Variants in HECTD3 observed in about 807,000 individuals in gnomAD.
HECTD3 encodes E3 ubiquitin-protein ligase HECTD3.
A neutral mutation model predicts 109.3 loss-of-function variants in HECTD3; 72 were observed. The ratio of observed to expected loss-of-function variants is 0.66; its 90% confidence interval spans 0.54 to 0.80. HECTD3 has a LOEUF of 0.80. Among genes scored for constraint, HECTD3 ranks in the 30% least tolerant of loss-of-function variants. The pLI, the probability that HECTD3 is intolerant of heterozygous loss-of-function variation, is 0.00. For missense variants in HECTD3, 1,041 were observed against 1,165.2 expected (o/e 0.89, Z 1.55); for synonymous variants, 481 against 471.8 (o/e 1.02, Z -0.25).
In HECTD3 at chr1:45,006,931, A is replaced by T. The variant is rs777286954; in HGVS notation, c.1621+20T>A. 1.7e-4 allele frequency: 270 copies of T among 1,611,824 alleles called. 2 individuals carry two copies. In the South Asian group the frequency reaches 2.6e-3, roughly 15 times the overall value. On this transcript the variant is annotated intron_variant, in intron 12 of 20. Transcript: ENST00000372172. The surrounding 1 kb of genome is among the most constrained non-coding windows in gnomAD (Gnocchi z 4.7). ...TAGGGCAGCAAGCAGGACCCTTGAG[A>T]TCCTCCCTCAGGGCCTCACCTTGGT...
chr1:45,007,368 G>A (rs748659804), intron 10 of HECTD3, 45 bp downstream of exon 10: 6 of 1,610,478 alleles, frequency 3.7e-6, no homozygotes, highest in Non-Finnish European at 5.1e-6. Flanking sequence ...AGCCCCCTTG[G>A]CCCTTGACTG....
chr1:45,008,238 A>T lies in HECTD3; in HGVS notation c.1320+2T>A. 1.9e-6 allele frequency: 3 copies of T among 1,612,934 alleles called. No individual in the cohort carries two copies. Among genetic ancestry groups the T allele is most frequent in the Non-Finnish European group, 2.5e-6 (3 of 1,179,030 alleles). ...AGACCAGCACTGGCTGGGTCGGCTC[A>T]CCTTAATCTCACTGAAGGTGCCCAG... On this transcript the variant is annotated splice_donor_variant, in intron 9 of 20. Coordinates refer to ENST00000372172, the MANE Select transcript of HECTD3 (RefSeq NM_024602.6). LOFTEE classifies it high-confidence loss of function.
At chr1:45,007,131 TG>T in intron 11 of HECTD3, 87 bp downstream of exon 11, 1 of 19,920 alleles carries the variant, frequency 5.0e-5, no homozygotes, top group African/African-American at 2.7e-4. Context: ...AGCAGTTGTG[TG>T]TGTGTGTGTG....
chr1:45,006,145 G>C lies in HECTD3; in HGVS notation c.1726-29C>G, dbSNP rs768311442. 18 of 1,606,470 alleles carry C rather than the reference G, an allele frequency of 1.1e-5. No homozygotes were observed. The highest frequency in any genetic ancestry group is 1.4e-5 in the Non-Finnish European group (17 of 1,174,296). On this transcript the variant is annotated intron_variant, in intron 13 of 20. Transcript: ENST00000372172. This position sits in a 1 kb window ranked among gnomAD's most constrained non-coding sequence, Gnocchi z 4.7. ...CCCCAGAGACAGAGCTGTGAGTGTG[G>C]CATGAGATACACCCTATTTTCCTGG...
chr1:45,008,830 G>A, intron 7 of HECTD3, 129 bp from the exon 8 acceptor site: 2 of 806,882 alleles, frequency 2.5e-6, no homozygotes, highest in South Asian at 3.2e-5. Flanking sequence ...GGACCTTCGG[G>A]ATCACCTTCT....
chr1:45,003,767 AG>A lies in HECTD3; in HGVS notation c.2430-28del. ...TGGGGGCATTGAGGGACCATAGGTC[AG>A]GAAGATGTGTTGGGGCACATGTACG... On this transcript the variant is annotated intron_variant, in intron 19 of 20. Coordinates refer to ENST00000372172, the MANE Select transcript of HECTD3 (RefSeq NM_024602.6). This position sits in a 1 kb window ranked among gnomAD's most constrained non-coding sequence, Gnocchi z 4.7. 6.2e-7 allele frequency: 1 copy of A among 1,613,840 alleles called. No individual in the cohort carries two copies. The highest frequency in any genetic ancestry group is 8.5e-7 in the Non-Finnish European group (1 of 1,179,772).
At chr1:45,008,381 C>A (rs1233716316) in intron 8 of HECTD3, 60 bp from the exon 9 acceptor site, 1 of 1,519,456 alleles carries the variant, frequency 6.6e-7, no homozygotes, top group Admixed American at 1.7e-5. Context: ...ACCCCCAACT[C>A]CCCAACATAA....
At position 45,003,609 on chromosome 1, in the gene HECTD3, A is replaced by T. The variant is rs1320700772; in HGVS notation, c.2502-33T>A. On this transcript the variant is annotated intron_variant, in intron 20 of 20. Coordinates refer to ENST00000372172, the MANE Select transcript of HECTD3 (RefSeq NM_024602.6). The surrounding 1 kb of genome is among the most constrained non-coding windows in gnomAD (Gnocchi z 4.7). Reference sequence around the variant, plus strand: ...AATGGGGACTTGGTCAGGTCCCTACATCGCTACCAGGGGTGATGGGGTCCC... The same window carrying T: ...AATGGGGACTTGGTCAGGTCCCTACTTCGCTACCAGGGGTGATGGGGTCCC... 2 of 1,613,396 alleles carry T rather than the reference A, an allele frequency of 1.2e-6. No individual in the cohort carries two copies. The highest frequency in any genetic ancestry group is 1.7e-6 in the Non-Finnish European group (2 of 1,179,354).
In HECTD3 at chr1:45,005,901, C is replaced by T; in HGVS notation, c.1846-18G>A. The T allele has an allele frequency of 3.7e-6, 6 of 1,604,180 alleles. No homozygotes were observed. The East Asian group carries it at 6.7e-5, about 18-fold the overall frequency. On this transcript the variant is annotated intron_variant, in intron 14 of 20. Transcript: ENST00000372172. ...GCCAGGACCTGTGTGACAAACACTC[C>T]CCACTGTCTTCTCACCCTGAGCTGC...
At chr1:45,005,320 T>C (rs1644725956) in intron 15 of HECTD3, 1 of 208,106 alleles carries the variant, frequency 4.8e-6, no homozygotes, top group East Asian at 1.2e-4. Flanking sequence ...TAGTAAGTGA[T>C]TAGCTAAGGA....
In HECTD3 at chr1:45,010,082, G is replaced by A. The variant is rs1158599147; in HGVS notation, c.663C>T (p.Asp221=). The stretch of plus-strand genomic sequence containing the variant: ...GGTGGTCATACAAGAAGTGGATCAG[G>A]TCCTCGTCGCACTCGTAGGTCCATG... The part of the protein sequence containing the change: ...PPTWTYECDE[D]LIHFLYDHLG... Residue 221 remains aspartate, a synonymous_variant, in exon 4 of 21, where the codon GAC becomes GAT. Coordinates refer to ENST00000372172, the MANE Select transcript of HECTD3 (RefSeq NM_024602.6). 44 of 1,589,546 alleles carry A rather than the reference G, an allele frequency of 2.8e-5. No individual in the cohort carries two copies. The East Asian group carries it at 9.4e-4, about 34-fold the overall frequency.
In HECTD3 at chr1:45,006,704, G is replaced by T. The variant is rs753978006; in HGVS notation, c.1713C>A (p.Arg571=). The T allele has an allele frequency of 5.0e-6, 8 of 1,612,322 alleles. No individual in the cohort carries two copies. In the South Asian group the frequency reaches 8.8e-5, roughly 18 times the overall value. Residue 571 remains arginine (R), a synonymous_variant, in exon 13 of 21, where the codon CGC becomes CGA. Transcript: ENST00000372172. The surrounding 1 kb of genome is among the most constrained non-coding windows in gnomAD (Gnocchi z 4.7). ...AAACGGAGATTACCTGGTTGGCTGT[G>T]CGTACAAAGAAGGGCAGGGGCACGG... is the stretch of plus-strand genomic sequence containing the variant. The part of the protein sequence containing the change: ...DTPVPLPFFV[R]TANQGNGTGE...
intron 15 of HECTD3, 30 bp from the exon 16 acceptor site, chr1:45,004,836 C>G (rs746168396): frequency 1.9e-6 from 3 of 1,589,446 alleles, no homozygotes; most frequent in African/African-American, 2.7e-5. Flanking sequence ...AGGGAGGTAA[C>G]CTTTTCACTG....
In HECTD3 at chr1:45,003,920, G is replaced by C. The variant is rs1210979668; in HGVS notation, c.2364C>G (p.Phe788Leu). ...NNFTNEDRSR[F>L]LRFVTGRSRL... ...GACTGCGGCCCGTGACAAAGCGCAG[G>C]AAGCGGCTCCGGTCCTCTGGAGGGA... is the stretch of plus-strand genomic sequence containing the variant. The change falls in exon 19 of 21, where the codon TTC (phenylalanine) becomes TTG (leucine). Residue 788 changes from phenylalanine (F) to leucine (L), a missense_variant. This residue lies in a region of HECTD3 where 569 missense variants were observed against 715.3 expected (regional missense o/e 0.80). Coordinates refer to ENST00000372172, the MANE Select transcript of HECTD3 (RefSeq NM_024602.6). The surrounding 1 kb of genome is among the most constrained non-coding windows in gnomAD (Gnocchi z 4.7). 1 of 1,613,484 alleles carries C rather than the reference G, an allele frequency of 6.2e-7. No individual in the cohort carries two copies. Among genetic ancestry groups the C allele is most frequent in the Non-Finnish European group, 8.5e-7 (1 of 1,179,740 alleles).
chr1:45,008,413 C>A lies in HECTD3; in HGVS notation c.1239-92G>T, dbSNP rs1480684635. The A allele has an allele frequency of 3.4e-6, 5 of 1,484,710 alleles. No individual in the cohort carries two copies. In the African/African-American group the frequency reaches 5.5e-5, roughly 16 times the overall value. The allele number at this position is 1,484,710 out of a possible 1,614,324, so 92.0% of individuals were successfully genotyped here. On this transcript the variant is annotated intron_variant, in intron 8 of 20. Transcript: ENST00000372172. ...ATAAAGGGACAGGAAAAGGCAGGACCTGGGGGCTTCTCTGACCCTTGAACA... is the reference window on the plus strand; with the variant it reads ...ATAAAGGGACAGGAAAAGGCAGGACATGGGGGCTTCTCTGACCCTTGAACA...
At position 45,004,328 on chromosome 1, in the gene HECTD3, A is replaced by T. The variant is rs538414715; in HGVS notation, c.2192T>A (p.Leu731Gln). 41 of 1,613,950 alleles carry T rather than the reference A, an allele frequency of 2.5e-5. No individual in the cohort carries two copies. Among genetic ancestry groups the T allele is most frequent in the Non-Finnish European group, 3.2e-5 (38 of 1,179,928 alleles). Residue 731 changes from leucine to glutamine, a missense_variant, in exon 17 of 21, where the codon CTG (leucine) becomes CAG (glutamine). Physicochemically the swap from Leu to Gln is moderately radical, Grantham distance 113. Coordinates refer to ENST00000372172, the MANE Select transcript of HECTD3 (RefSeq NM_024602.6). ...CAACTCTTGCCAGGTCAGCAAGTCCAGCACAGCCTGTGGTACCACCTTCAG... is the reference window on the plus strand; with the variant it reads ...CAACTCTTGCCAGGTCAGCAAGTCCTGCACAGCCTGTGGTACCACCTTCAG... The part of the protein sequence containing the change: ...GLLKVVPQAV[L>Q]DLLTWQELEK...
intron 4 of HECTD3, 33 bp from the exon 5 acceptor site, chr1:45,009,716 T>TACCC: frequency 6.6e-7 from 1 of 1,508,478 alleles, no homozygotes; most frequent in Non-Finnish European, 9.2e-7. Flanking sequence ...AGTCAGCAGT[T>TACCC]ACCCTCCCTC....
At position 45,007,511 on chromosome 1, in the gene HECTD3, T is replaced by C; in HGVS notation, c.1405A>G (p.Ser469Gly). Residue 469 changes from serine (S) to glycine (G), a missense_variant, in exon 10 of 21, where the codon AGC (serine) becomes GGC (glycine). Physicochemically the swap from Ser to Gly is moderately conservative, Grantham distance 56. Coordinates refer to ENST00000372172, the MANE Select transcript of HECTD3 (RefSeq NM_024602.6). The stretch of plus-strand genomic sequence containing the variant: ...TTGATGTATAGGCGTGGCATGAAGC[T>C]GGGCTTGCTGCTCTCAGAGTCACGC... ...CLRDSESSKP[S>G]FMPRLYINRR... 1 of 1,614,084 alleles carries C rather than the reference T, an allele frequency of 6.2e-7. No homozygotes were observed. Among genetic ancestry groups the C allele is most frequent in the South Asian group, 1.1e-5 (1 of 91,084 alleles).
chr1:45,004,140 G>A lies in HECTD3; in HGVS notation c.2273-6C>T. The A allele has an allele frequency of 6.2e-7, 1 of 1,614,186 alleles. No homozygotes were observed. The highest frequency in any genetic ancestry group is 8.5e-7 in the Non-Finnish European group (1 of 1,180,040). The stretch of plus-strand genomic sequence containing the variant: ...CTCGAAGTCCTCAAACCGGGCTGGT[G>A]GAGACAAGGCCAGCATTCATTCTTG... On this transcript the variant is annotated splice_region_variant and splice_polypyrimidine_tract_variant and intron_variant, in intron 17 of 20. Transcript: ENST00000372172.
Sources: gnomAD v4.1 joint callset for allele counts on GRCh38, gnomAD v4.1.1 for gene constraint, gnomAD v4.1.1 regional missense constraint, Gnocchi (gnomAD v3.1) non-coding constraint, MANE v1.5 for transcripts, NCBI Gene and HGNC (gene_info 2026-07-23, HGNC 2026-07-21) for gene names.